The following KCNAB2 variants were observed in gnomAD, a reference collection of about 807,000 sequenced individuals.
The protein encoded by KCNAB2 is potassium voltage-gated channel subfamily A regulatory beta subunit 2.
KCNAB2 carries 29 observed loss-of-function variants against 63.6 expected under a neutral mutation model. That is an observed-to-expected ratio of 0.46 (90% confidence interval 0.34 to 0.62). The LOEUF (loss-of-function observed/expected upper bound fraction) is 0.62. Among genes scored for constraint, KCNAB2 ranks in the 20% least tolerant of loss-of-function variants. The probability of loss-of-function intolerance (pLI) is 0.01; values close to 1 mark genes in which losing one functional copy is unlikely to be tolerated. For missense variants in KCNAB2, 359 were observed against 563.9 expected, an observed-to-expected ratio of 0.64 and a Z score of 3.68; for synonymous variants, 222 against 224.2, an observed-to-expected ratio of 0.99 and a Z score of 0.09.
At chr1:6,077,891 G>A (rs1024865489) in intron 4 of KCNAB2, among the ~76,000 whole-genome samples, 6 of 152,216 alleles carry the variant, frequency 3.9e-5, no homozygotes, top group African/African-American at 1.4e-4. Flanking sequence ...CTGTGGAGAG[G>A]GTGCGAGCTG....
intron 2 of KCNAB2, among the ~76,000 whole-genome samples, chr1:6,053,870 C>G (rs1661586322): frequency 6.6e-6 from 1 of 151,908 alleles, no homozygotes; most frequent in South Asian, 2.1e-4. Context: ...TGGCGAAACC[C>G]CATCTCTAAA....
intron 1 of KCNAB2, among the ~76,000 whole-genome samples, chr1:6,020,174 C>T (rs1658740340): frequency 6.6e-6 from 1 of 152,164 alleles, no homozygotes; most frequent in South Asian, 2.1e-4. Flanking sequence ...TCCCCACAGT[C>T]CTGGCCCAGA....
At chr1:5,993,734 T>G (rs1656733536) in intron 1 of KCNAB2, among the ~76,000 whole-genome samples, 1 of 152,218 alleles carries the variant, frequency 6.6e-6, no homozygotes, top group South Asian at 2.1e-4. Context: ...CTTTCCTCCC[T>G]GGCCACCGTC....
In KCNAB2 at chr1:6,003,173, G is replaced by C. The variant is rs1657357796; in HGVS notation, c.-53+10385G>C. Among the ~76,000 whole-genome samples the C allele has an allele frequency of 6.6e-6, 1 of 152,218 alleles. No individual in the cohort carries two copies. The highest frequency in any genetic ancestry group is 2.4e-5 in the African/African-American group (1 of 41,464). Reference sequence around the variant, plus strand: ...TGCCAGGTAAAGGGAAACCACATGGGGGCGAGGCCAGCGCACAGCCCCAGC... The same window carrying C: ...TGCCAGGTAAAGGGAAACCACATGGCGGCGAGGCCAGCGCACAGCCCCAGC... On this transcript the variant is annotated intron_variant, in intron 1 of 16. Coordinates refer to the KCNAB2 transcript ENST00000341524. The surrounding 1 kb of genome is among the most constrained non-coding windows in gnomAD (Gnocchi z 4.1).
chr1:6,065,774 A>T (rs1215782774), intron 2 of KCNAB2, among the ~76,000 whole-genome samples: 6 of 151,966 alleles, frequency 3.9e-5, no homozygotes, highest in Non-Finnish European at 8.8e-5. Context: ...ACCTGCAGAG[A>T]CGAGAGATGT....
At chr1:6,065,250 C>T (rs1662647403) in intron 2 of KCNAB2, among the ~76,000 whole-genome samples, 1 of 152,246 alleles carries the variant, frequency 6.6e-6, no homozygotes. Context: ...GGCTGCAGCG[C>T]CTGCCCAGGC....
rs1206027623 is a variant in KCNAB2 at position 6,024,785 on chromosome 1, G to C, written c.-52-15732G>C. ...ACCTGTCCAGAGCCAGAGTTCCATG[G>C]GGGGCTCCAGGGCAGGAGGTCAAGG... On this transcript the variant is annotated intron_variant, in intron 1 of 16. Transcript: ENST00000341524. This position sits in a 1 kb window ranked among gnomAD's most constrained non-coding sequence, Gnocchi z 5.4. 6.6e-6 allele frequency among the ~76,000 whole-genome samples: 1 copy of C among 152,168 alleles called. No homozygotes were observed. The highest frequency in any genetic ancestry group is 1.9e-4 in the East Asian group (1 of 5,196).
At chr1:6,025,078 T>G (rs1272797367) in intron 1 of KCNAB2, among the ~76,000 whole-genome samples, 1 of 152,128 alleles carries the variant, frequency 6.6e-6, no homozygotes, top group Non-Finnish European at 1.5e-5. Context: ...TTCTCCCTTC[T>G]CCCTCCTGTT....
chr1:6,048,454 G>A (rs1047085193), intron 1 of KCNAB2, among the ~76,000 whole-genome samples: 5 of 152,172 alleles, frequency 3.3e-5, no homozygotes, highest in South Asian at 4.1e-4. Context: ...GGCCGGGAGC[G>A]GTCAAGGTGC....
chr1:6,071,572 C>T lies in KCNAB2; in HGVS notation c.219-1183C>T, dbSNP rs1663186604. 6.6e-6 allele frequency among the ~76,000 whole-genome samples: 1 copy of T among 152,184 alleles called. No individual in the cohort carries two copies. The highest frequency in any genetic ancestry group is 2.1e-4 in the South Asian group (1 of 4,838). On this transcript the variant is annotated intron_variant, in intron 2 of 15. Coordinates refer to ENST00000378083, the MANE Select transcript of KCNAB2 (RefSeq NM_001199862.2). The surrounding 1 kb of genome is among the most constrained non-coding windows in gnomAD (Gnocchi z 8.5). ...CCAACTGCCTGGGTGGGATCCAGCT[C>T]CTCCGCGTGCTGGGCAGGTATCGTA...
At chr1:6,070,089 G>A (rs767377624) in intron 2 of KCNAB2, among the ~76,000 whole-genome samples, 4 of 152,216 alleles carry the variant, frequency 2.6e-5, no homozygotes, top group African/African-American at 7.2e-5. Context: ...GTCACTCGTG[G>A]AGGTGGTTTT....
chr1:6,095,864 T>TC (rs368089172), intron 13 of KCNAB2, among the ~76,000 whole-genome samples: 28,713 of 82,914 alleles, frequency 0.35, 2,469 homozygotes, highest in East Asian at 0.4. Context: ...CCCTTTCACA[T>TC]CCCCCCCCCT....
intron 11 of KCNAB2, 69 bp from the exon 12 acceptor site, chr1:6,095,254 A>T (rs1390450705): frequency 1.3e-6 from 2 of 1,518,558 alleles, no homozygotes; most frequent in Non-Finnish European, 1.8e-6. Context: ...TGCCCTCTCC[A>T]TGGCTGCCCC....
At chr1:6,039,935 G>C (rs1409020202) in intron 1 of KCNAB2, among the ~76,000 whole-genome samples, 1 of 152,210 alleles carries the variant, frequency 6.6e-6, no homozygotes, top group African/African-American at 2.4e-5. Flanking sequence ...GGTTAGAAGC[G>C]ACTTGCTAGG....
upstream of KCNAB2, among the ~76,000 whole-genome samples, chr1:6,030,750 G>A (rs1659554709): frequency 6.6e-6 from 1 of 151,534 alleles, no homozygotes; most frequent in Non-Finnish European, 1.5e-5. Flanking sequence ...GTGTGTATAT[G>A]TGTGTATGTG....
upstream of KCNAB2, among the ~76,000 whole-genome samples, chr1:6,045,735 G>T (rs1198664159): frequency 2.0e-5 from 3 of 152,186 alleles, no homozygotes; most frequent in East Asian, 3.9e-4. This position sits in a 1 kb window ranked among gnomAD's most constrained non-coding sequence, Gnocchi z 4.8. Flanking sequence ...CCCGCACTCA[G>T]ATACCAAAGA....
At chr1:6,097,761 G>C in intron 15 of KCNAB2, 2 of 431,820 alleles carry the variant, frequency 4.6e-6, no homozygotes, top group Non-Finnish European at 8.2e-6. Flanking sequence ...TCCACCAGCA[G>C]GAAGAGTTGA....
intron 1 of KCNAB2, among the ~76,000 whole-genome samples, chr1:6,040,294 C>T (rs1660389945): frequency 6.6e-6 from 1 of 152,138 alleles, no homozygotes; most frequent in Non-Finnish European, 1.5e-5. Flanking sequence ...ACCCTTCTCA[C>T]AGTTGTCACC....
rs549584564 is a variant in KCNAB2 at position 6,088,935 on chromosome 1, G to A, written c.471-73G>A. 56 of 1,414,406 alleles carry A rather than the reference G, an allele frequency of 4.0e-5. No homozygotes were observed. The South Asian group carries it at 4.0e-4, about 10-fold the overall frequency. The allele number at this position is 1,414,406 out of a possible 1,614,324, so 87.6% of individuals were successfully genotyped here. A position where few individuals can be genotyped will look rare whatever the true frequency, so the allele number is the denominator to read the frequency against. ...CTGTTTTTGCGTCTAACATTGCATC[G>A]TAAACGTTTTTTGGGAGGGGCCAGG... is the stretch of plus-strand genomic sequence containing the variant. On this transcript the variant is annotated intron_variant, in intron 7 of 15. Coordinates refer to ENST00000378083, the MANE Select transcript of KCNAB2 (RefSeq NM_001199862.2).
Sources: gnomAD v4.1 joint callset for allele counts (sites outside exome capture counted in the v4.1 genomes callset) on GRCh38, gnomAD v4.1.1 for gene constraint, Gnocchi (gnomAD v3.1) non-coding constraint, MANE v1.5 for transcripts, NCBI Gene and HGNC (gene_info 2026-07-23, HGNC 2026-07-21) for gene names.